THAP6: variants seen among roughly 807,000 people sequenced by gnomAD.
The protein encoded by THAP6 is THAP domain containing 6.
A neutral mutation model predicts 20.0 loss-of-function variants in THAP6; 13 were observed. That is an observed-to-expected ratio of 0.65 (90% confidence interval 0.42 to 1.03). The LOEUF (loss-of-function observed/expected upper bound fraction) is 1.03, where lower values mean the gene tolerates loss of function less well. Among genes scored for constraint, THAP6 ranks in the 50% least tolerant of loss-of-function variants. THAP6 has a pLI of 0.00. For missense variants in THAP6, 262 were observed against 261.6 expected (o/e 1.00, Z -0.01); for synonymous variants, 93 against 92.2 (o/e 1.01, Z -0.05).
chr4:75,541,878 C>A (rs1435546865), intron 2 of THAP6, among the ~76,000 whole-genome samples: 1 of 151,218 alleles, frequency 6.6e-6, no homozygotes, highest in Non-Finnish European at 1.5e-5. Context: ...ATCGCTTGAG[C>A]GCAGAGGGGC....
At chr4:75,545,556 C>G (rs1727107140) in intron 3 of THAP6, among the ~76,000 whole-genome samples, 1 of 152,168 alleles carries the variant, frequency 6.6e-6, no homozygotes, top group African/African-American at 2.4e-5. Context: ...CAAAAGAGCA[C>G]CTGTCCCTTT....
Position 75,527,315 on chromosome 4 carries a change from C to T in THAP6, c.*101C>T, listed in dbSNP as rs890249828. ...ATAATATCCATCATTTAAAGTGCTG[C>T]TTTGGATTCTCTGGAGCATTATGCA... is the stretch of plus-strand genomic sequence containing the variant. On this transcript the variant is annotated 3_prime_UTR_variant, in exon 5 of 5. Coordinates refer to ENST00000311638, the MANE Select transcript of THAP6 (RefSeq NM_144721.6). The T allele has an allele frequency of 1.3e-5, 20 of 1,519,498 alleles. No homozygotes were observed. The highest frequency in any genetic ancestry group is 2.3e-5 in the East Asian group (1 of 43,934). The allele number at this position is 1,519,498 out of a possible 1,614,324, so 94.1% of individuals were successfully genotyped here.
At chr4:75,533,516 A>G (rs1357408710), downstream of THAP6, among the ~76,000 whole-genome samples, 1 of 152,148 alleles carries the variant, frequency 6.6e-6, no homozygotes, top group Non-Finnish European at 1.5e-5. Flanking sequence ...GTATCTTTCC[A>G]TCAGCACCCC....
chr4:75,516,990 G>A lies in THAP6; in HGVS notation c.288+11G>A. On this transcript the variant is annotated intron_variant, in intron 3 of 4. Coordinates refer to ENST00000311638, the MANE Select transcript of THAP6 (RefSeq NM_144721.6). ...CCATATCACCTACAGGTTTGTTTAT[G>A]AGATACTGTTTACCATCATTGCTCA... 2 of 1,444,484 alleles carry A rather than the reference G, an allele frequency of 1.4e-6. No homozygotes were observed. Among genetic ancestry groups the A allele is most frequent in the Non-Finnish European group, 1.9e-6 (2 of 1,037,000 alleles). 89.5% of individuals were successfully genotyped at this position (1,444,484 alleles called of 1,614,324 possible).
intron 3 of THAP6, chr4:75,544,754 G>A (rs1309317096): frequency 6.6e-6 from 1 of 151,944 alleles, no homozygotes; most frequent in African/African-American, 2.4e-5. Context: ...CATTGTAATG[G>A]GTTGATATGT....
chr4:75,533,745 GT>G (rs1462721923), downstream of THAP6, among the ~76,000 whole-genome samples: 3 of 151,816 alleles, frequency 2.0e-5, no homozygotes, highest in East Asian at 5.8e-4. Flanking sequence ...TCCTGTTGTT[GT>G]TTTTTTCCTT....
chr4:75,529,782 G>T lies in THAP6; in HGVS notation c.*2568G>T. 1.0e-6 allele frequency: 1 copy of T among 985,342 alleles called. No homozygotes were observed. The highest frequency in any genetic ancestry group is 4.7e-5 in the South Asian group (1 of 21,290). The allele number at this position is 985,342 out of a possible 1,614,324, so 61.0% of individuals were successfully genotyped here. A position where few individuals can be genotyped will look rare whatever the true frequency, so the allele number is the denominator to read the frequency against. On this transcript the variant is annotated 3_prime_UTR_variant, in exon 5 of 5. Coordinates refer to ENST00000311638, the MANE Select transcript of THAP6 (RefSeq NM_144721.6). The stretch of plus-strand genomic sequence containing the variant: ...ACATTAATACAACAGTTCAACCTCA[G>T]CACCAAGTCAGGTACGAAGCGCTTG...
In THAP6 at chr4:75,516,829, T is replaced by C. The variant is rs750004487; in HGVS notation, c.138T>C (p.Asp46=). The change falls in exon 3 of 5, where the codon GAT becomes GAC. Residue 46 remains aspartate (D), a synonymous_variant. Transcript: ENST00000311638. ...RKWVLAMKRL[D]VNAAGIWEPK... ...GGGTATTAGCAATGAAAAGACTTGA[T>C]GTGAATGCAGCCGGCATTTGGGAGC... is the stretch of plus-strand genomic sequence containing the variant. 1.2e-6 allele frequency: 2 copies of C among 1,614,066 alleles called. No homozygotes were observed. The highest frequency in any genetic ancestry group is 1.7e-6 in the Non-Finnish European group (2 of 1,180,004).
Position 75,528,772 on chromosome 4 carries a change from C to A in THAP6, c.*1558C>A. 2 of 919,622 alleles carry A rather than the reference C, an allele frequency of 2.2e-6. No homozygotes were observed. Among genetic ancestry groups the A allele is most frequent in the Non-Finnish European group, 2.6e-6 (2 of 775,108 alleles). 57.0% of individuals were successfully genotyped at this position (919,622 alleles called of 1,614,324 possible). A position where few individuals can be genotyped will look rare whatever the true frequency, so the allele number is the denominator to read the frequency against. On this transcript the variant is annotated 3_prime_UTR_variant, in exon 5 of 5. Coordinates refer to ENST00000311638, the MANE Select transcript of THAP6 (RefSeq NM_144721.6). ...AAAGGTAGTTAAAAAAAAAAAAGGCCGGGTGGTGGCTCATACCTGTAATCC... is the reference window on the plus strand; with the variant it reads ...AAAGGTAGTTAAAAAAAAAAAAGGCAGGGTGGTGGCTCATACCTGTAATCC...
At chr4:75,530,801 G>T (rs1232939618), downstream of THAP6, among the ~76,000 whole-genome samples, 1 of 152,182 alleles carries the variant, frequency 6.6e-6, no homozygotes, top group Admixed American at 6.5e-5. Flanking sequence ...GCCACATCAT[G>T]CATAGCAGCT....
chr4:75,526,217 T>C (rs1012477661), intron 4 of THAP6, among the ~76,000 whole-genome samples: 6 of 152,214 alleles, frequency 3.9e-5, no homozygotes, highest in African/African-American at 1.4e-4. Flanking sequence ...ATATCCATTA[T>C]CTTAAGAGCT....
At chr4:75,522,530 T>C (rs1726096796) in intron 4 of THAP6, 1 of 152,124 alleles carries the variant, frequency 6.6e-6, no homozygotes, top group Admixed American at 6.6e-5. Flanking sequence ...AAATACTAGA[T>C]CTTAGTCTGT....
chr4:75,537,976 C>G (rs1458376811), intron 2 of THAP6, among the ~76,000 whole-genome samples: 1 of 152,206 alleles, frequency 6.6e-6, no homozygotes, highest in African/African-American at 2.4e-5. Flanking sequence ...TTGTGTTTTA[C>G]TCCACTAAGT....
In THAP6 at chr4:75,515,531, G is replaced by A. The variant is rs771120306; in HGVS notation, c.79G>A (p.Val27Ile). Residue 27 changes from valine (V) to isoleucine (I), a missense_variant and splice_region_variant, in exon 2 of 5, where the codon GTA becomes ATA. By Grantham distance (29) the Val-to-Ile change is conservative. Transcript: ENST00000311638. ...GAAGTTAAAAGGACTGACATTTCAC[G>A]TGTAAGATTTTGCTGTAGTTAAGCC... is the stretch of plus-strand genomic sequence containing the variant. ...NSKLKGLTFH[V>I]FPTDENIKRK... is the part of the protein sequence containing the mutation. 6.2e-7 allele frequency: 1 copy of A among 1,613,394 alleles called. No individual in the cohort carries two copies.
chr4:75,546,858 A>G (rs1401742410), intron 3 of THAP6, among the ~76,000 whole-genome samples: 6 of 152,200 alleles, frequency 3.9e-5, no homozygotes, highest in Non-Finnish European at 8.8e-5. Flanking sequence ...AAGCCCACTG[A>G]TTTCAATATA....
chr4:75,533,703 G>A (rs928733198), downstream of THAP6, among the ~76,000 whole-genome samples: 5 of 152,158 alleles, frequency 3.3e-5, no homozygotes, highest in Admixed American at 2.6e-4. Context: ...TACATGGATG[G>A]CAGCAGGCAA....
At position 75,527,375 on chromosome 4, in the gene THAP6, T is replaced by C. The variant is rs1272945116; in HGVS notation, c.*161T>C. ...TTATCCAAAGACTTTTTTGAAAATA[T>C]GCAGAAATTTGTGGTAATTATGTAT... On this transcript the variant is annotated 3_prime_UTR_variant, in exon 5 of 5. Transcript: ENST00000311638. 1.4e-6 allele frequency: 2 copies of C among 1,425,090 alleles called. No homozygotes were observed. The highest frequency in any genetic ancestry group is 2.9e-5 in the Admixed American group (1 of 34,488). 88.3% of individuals were successfully genotyped at this position (1,425,090 alleles called of 1,614,324 possible). A position where few individuals can be genotyped will look rare whatever the true frequency, so the allele number is the denominator to read the frequency against.
downstream of THAP6, among the ~76,000 whole-genome samples, chr4:75,530,542 T>G (rs1052619215): frequency 1.9e-4 from 29 of 152,336 alleles, no homozygotes; most frequent in African/African-American, 7.0e-4. Context: ...TCCCATTGGA[T>G]TAACATAATC....
chr4:75,523,725 C>CT (rs1374229169), intron 4 of THAP6, among the ~76,000 whole-genome samples: 1 of 149,758 alleles, frequency 6.7e-6, no homozygotes, highest in African/African-American at 2.5e-5. Context: ...CGCTTGAGCC[C>CT]TGGAGATCAA....
Sources: gnomAD v4.1 joint callset for allele counts (sites outside exome capture counted in the v4.1 genomes callset) on GRCh38, gnomAD v4.1.1 for gene constraint, MANE v1.5 for transcripts, NCBI Gene and HGNC (gene_info 2026-07-23, HGNC 2026-07-21) for gene names.